The following HOMER1 variants were observed in gnomAD, a reference collection of about 807,000 sequenced individuals.
HOMER1 encodes homer scaffold protein 1, also known as homer protein homolog 1.
In HOMER1, 3 loss-of-function variants were observed where a neutral mutation model predicts 48.9. The ratio of observed to expected loss-of-function variants is 0.06; its 90% CI spans 0.03 to 0.16. The LOEUF is 0.16. Ranked by LOEUF, HOMER1 falls within the 10% of genes least tolerant of loss-of-function variation. The pLI is 1.00. For missense variants in HOMER1, 247 were observed against 411.4 expected (o/e 0.60, Z 3.46); for synonymous variants, 134 against 146.4 (o/e 0.92, Z 0.61).
At chr5:79,493,562 C>T (rs2112362058) in intron 1 of HOMER1, among the ~76,000 whole-genome samples, 1 of 152,286 alleles carries the variant, frequency 6.6e-6, no homozygotes, top group East Asian at 1.9e-4. Flanking sequence ...AAACAGAGTC[C>T]ATCAGCTAAG....
rs1253886563 is a variant in HOMER1 at position 79,375,724 on chromosome 5, G to A, written c.*285C>T. On this transcript the variant is annotated 3_prime_UTR_variant, in exon 9 of 9. Coordinates refer to ENST00000334082, the MANE Select transcript of HOMER1 (RefSeq NM_004272.5). ...TTGGCTAATATCAGGAAAAAAGATT[G>A]CATTAAGTGTCTATTTATAACTTTC... is the stretch of plus-strand genomic sequence containing the variant. The A allele has an allele frequency of 4.1e-6, 1 of 246,536 alleles. No homozygotes were observed. Among genetic ancestry groups the A allele is most frequent in the East Asian group, 7.6e-5 (1 of 13,136 alleles). 15.3% of individuals were successfully genotyped at this position (246,536 alleles called of 1,614,324 possible).
chr5:79,408,264 A>G (rs1322879038), intron 5 of HOMER1, among the ~76,000 whole-genome samples: 1 of 152,236 alleles, frequency 6.6e-6, no homozygotes, highest in African/African-American at 2.4e-5. Context: ...CAGTGTTGAA[A>G]GAAAACAATC....
Position 79,474,567 on chromosome 5 carries a change from T to C in HOMER1, c.6-17549A>G, listed in dbSNP as rs554949338. Reference sequence around the variant, plus strand: ...GTGCTAGGCAAAAAAATCATCTGTTTGCTATTACACCCAAACAAGACTACA... The same window carrying C: ...GTGCTAGGCAAAAAAATCATCTGTTCGCTATTACACCCAAACAAGACTACA... On this transcript the variant is annotated intron_variant, in intron 1 of 8. Transcript: ENST00000334082. Among the ~76,000 whole-genome samples the C allele has an allele frequency of 5.3e-5, 8 of 152,266 alleles. No homozygotes were observed. The East Asian group carries it at 1.5e-3, about 29-fold the overall frequency.
intron 5 of HOMER1, among the ~76,000 whole-genome samples, chr5:79,413,846 T>A (rs1749872078): frequency 6.6e-6 from 1 of 152,140 alleles, no homozygotes; most frequent in Non-Finnish European, 1.5e-5. Flanking sequence ...AAGTTAACCT[T>A]TTAAAGGAAA....
chr5:79,384,616 AGAG>A (rs1237046189), intron 8 of HOMER1, among the ~76,000 whole-genome samples: 7 of 152,300 alleles, frequency 4.6e-5, no homozygotes, highest in African/African-American at 1.4e-4. Context: ...TAAAAATTGA[AGAG>A]GAGGGAACTT....
chr5:79,441,574 T>C (rs1750737811), intron 4 of HOMER1, among the ~76,000 whole-genome samples: 1 of 152,210 alleles, frequency 6.6e-6, no homozygotes, highest in African/African-American at 2.4e-5. Flanking sequence ...AAAGGCATAG[T>C]TATCCTAGGT....
intron 5 of HOMER1, among the ~76,000 whole-genome samples, chr5:79,428,951 T>C (rs1750346811): frequency 6.6e-6 from 1 of 152,200 alleles, no homozygotes. Flanking sequence ...TCATATACAA[T>C]TTCTAGGCAC....
intron 1 of HOMER1, among the ~76,000 whole-genome samples, chr5:79,461,884 T>G (rs1751324799): frequency 2.0e-5 from 3 of 152,172 alleles, no homozygotes; most frequent in African/African-American, 7.2e-5. Flanking sequence ...TAAAAATTGC[T>G]CTAAAAATCA....
intron 8 of HOMER1, among the ~76,000 whole-genome samples, chr5:79,376,421 A>G (rs897237192): frequency 1.3e-5 from 2 of 152,120 alleles, no homozygotes; most frequent in African/African-American, 4.8e-5. Flanking sequence ...TAACCACTCA[A>G]CGAAAATCTA....
At chr5:79,466,637 A>G (rs1292365586) in intron 1 of HOMER1, among the ~76,000 whole-genome samples, 2 of 152,122 alleles carry the variant, frequency 1.3e-5, no homozygotes, top group Non-Finnish European at 2.9e-5. Flanking sequence ...AACTGACAGT[A>G]TATGCCTGGG....
rs182436224 is a variant in HOMER1, at chr5:79,480,361, T to C, written c.6-23343A>G. 1.4e-4 allele frequency among the ~76,000 whole-genome samples: 21 copies of C among 152,270 alleles called. No homozygotes were observed. In the East Asian group the frequency reaches 2.7e-3, roughly 20 times the overall value. On this transcript the variant is annotated intron_variant, in intron 1 of 8. Transcript: ENST00000334082. ...ATATAAAAGTAGATTTAAAAAATAA[T>C]AACATGACTTGTTGGAGGAGGGGGC... is the stretch of plus-strand genomic sequence containing the variant.
At chr5:79,381,114 T>G (rs1426116115) in intron 8 of HOMER1, among the ~76,000 whole-genome samples, 3 of 152,130 alleles carry the variant, frequency 2.0e-5, no homozygotes, top group Admixed American at 6.5e-5. Flanking sequence ...ACAGGCATAC[T>G]TGGCCCACTG....
At chr5:79,455,817 T>C (rs909855660) in intron 2 of HOMER1, among the ~76,000 whole-genome samples, 2 of 152,190 alleles carry the variant, frequency 1.3e-5, no homozygotes, top group Non-Finnish European at 2.9e-5. Context: ...GATTTTTCTT[T>C]GGAATTTCTT....
At chr5:79,410,495 AAAAAAAAAAAAAG>A (rs1288212552) in intron 5 of HOMER1, among the ~76,000 whole-genome samples, 2 of 151,450 alleles carry the variant, frequency 1.3e-5, no homozygotes, top group African/African-American at 4.8e-5. Context: ...ATCTCAAAAA[AAAAAAAAAAAAAG>A]AAAAAAGAAA....
At chr5:79,442,706 C>G (rs1478459306) in intron 4 of HOMER1, among the ~76,000 whole-genome samples, 1 of 152,198 alleles carries the variant, frequency 6.6e-6, no homozygotes, top group Non-Finnish European at 1.5e-5. Context: ...CAGTTTTATA[C>G]TTAAACAAAG....
intron 6 of HOMER1, among the ~76,000 whole-genome samples, chr5:79,400,800 A>T (rs1749518121): frequency 2.1e-5 from 3 of 144,830 alleles, no homozygotes; most frequent in African/African-American, 7.6e-5. Flanking sequence ...GCTAGAGTGC[A>T]GTAGAGCCAT....
intron 4 of HOMER1, among the ~76,000 whole-genome samples, chr5:79,440,890 C>T (rs1056991883): frequency 1.2e-4 from 18 of 152,180 alleles, no homozygotes; most frequent in Admixed American, 9.2e-4. Flanking sequence ...CCGGCCGGGA[C>T]GTGGTGCCTC....
chr5:79,373,382 C>T lies in HOMER1; in HGVS notation c.*2627G>A, dbSNP rs1020488601. The T allele has an allele frequency of 1.3e-5, 2 of 151,822 alleles. No homozygotes were observed. The highest frequency in any genetic ancestry group is 4.8e-5 in the African/African-American group (2 of 41,350). 9.4% of individuals were successfully genotyped at this position (151,822 alleles called of 1,614,324 possible). The stretch of plus-strand genomic sequence containing the variant: ...ACTTATACACAATGGGATCAACCTC[C>T]TCCTCCATGTCGCTTCAAGTCCACA... On this transcript the variant is annotated 3_prime_UTR_variant, in exon 9 of 9. Transcript: ENST00000334082.
intron 1 of HOMER1, among the ~76,000 whole-genome samples, chr5:79,484,309 A>G (rs1276548522): frequency 1.3e-5 from 2 of 149,468 alleles, no homozygotes; most frequent in Admixed American, 1.3e-4. Context: ...AAGTAATGCA[A>G]AAGAGAAAAG....
Sources: gnomAD v4.1 joint callset for allele counts (sites outside exome capture counted in the v4.1 genomes callset) on GRCh38, gnomAD v4.1.1 for gene constraint, MANE v1.5 for transcripts, NCBI Gene and HGNC (gene_info 2026-07-23, HGNC 2026-07-21) for gene names.